The following MYO5B variants were observed in gnomAD, a reference collection of about 807,000 sequenced individuals.
MYO5B encodes myosin VB, also known as unconventional myosin-Vb.
In MYO5B, 143 loss-of-function variants were observed where a neutral mutation model predicts 229.3. The ratio of observed to expected loss-of-function variants is 0.62; its 90% CI spans 0.54 to 0.72. The LOEUF (loss-of-function observed/expected upper bound fraction) is 0.72. Ranked by LOEUF, MYO5B falls within the 30% of genes least tolerant of loss-of-function variation. The probability of loss-of-function intolerance (pLI) is 0.00; values close to 1 mark genes in which losing one functional copy is unlikely to be tolerated. For missense variants in MYO5B, 2,321 were observed against 2,331.0 expected (o/e 1.00, Z 0.09); for synonymous variants, 918 against 885.2 (o/e 1.04, Z -0.66).
At chr18:50,138,230 T>A (rs1418142099) in intron 1 of MYO5B, among the ~76,000 whole-genome samples, 1 of 152,232 alleles carries the variant, frequency 6.6e-6, no homozygotes, top group Non-Finnish European at 1.5e-5. Flanking sequence ...TGGGTATTTC[T>A]AAATGTAGTT....
At position 49,824,753 on chromosome 18, in the gene MYO5B, G is replaced by A. The variant is rs1250533232; in HGVS notation, c.*1718C>T. ...GGATCCATGGGTAAGTGTCATGGACGTCAGTGATTATGTAACTGTAACTGA... is the reference window on the plus strand; with the variant it reads ...GGATCCATGGGTAAGTGTCATGGACATCAGTGATTATGTAACTGTAACTGA... On this transcript the variant is annotated 3_prime_UTR_variant, in exon 40 of 40. Transcript: ENST00000285039. 7.2e-5 allele frequency: 11 copies of A among 152,212 alleles called. No homozygotes were observed. The highest frequency in any genetic ancestry group is 2.0e-4 in the Admixed American group (3 of 15,276). 9.4% of individuals were successfully genotyped at this position (152,212 alleles called of 1,614,324 possible).
intron 29 of MYO5B, among the ~76,000 whole-genome samples, chr18:49,861,087 C>T (rs1182523025): frequency 6.6e-6 from 1 of 152,264 alleles, no homozygotes; most frequent in Non-Finnish European, 1.5e-5. Flanking sequence ...GCAGCACACA[C>T]TGCGAAGCTG....
intron 1 of MYO5B, among the ~76,000 whole-genome samples, chr18:50,117,556 C>T (rs2031985020): frequency 6.6e-6 from 1 of 152,024 alleles, no homozygotes; most frequent in African/African-American, 2.4e-5. Context: ...AGAGGAAAAA[C>T]TTGTAACTTA....
chr18:49,964,413 A>T lies in MYO5B; in HGVS notation c.1323-1383T>A, dbSNP rs569765655. 2.0e-5 allele frequency among the ~76,000 whole-genome samples: 3 copies of T among 152,084 alleles called. No individual in the cohort carries two copies. In the East Asian group the frequency reaches 5.8e-4, roughly 29 times the overall value. On this transcript the variant is annotated intron_variant, in intron 10 of 39. Transcript: ENST00000285039. ...ATGGGTGATGCATTTTTGATAGAGA[A>T]TTTTTATATCGAGATGTTCTGTGAA...
At chr18:49,962,073 C>T (rs940104881) in intron 12 of MYO5B, among the ~76,000 whole-genome samples, 193 bp downstream of exon 12, 3 of 152,202 alleles carry the variant, frequency 2.0e-5, no homozygotes, top group Admixed American at 6.5e-5. Context: ...GCAACACCTG[C>T]CAGTCACTTT....
chr18:50,089,634 G>C (rs928223223), intron 1 of MYO5B, among the ~76,000 whole-genome samples: 2 of 151,722 alleles, frequency 1.3e-5, no homozygotes, highest in African/African-American at 4.8e-5. Flanking sequence ...CTGTGTCCCA[G>C]TGTCGTAGGA....
chr18:49,988,639 C>G (rs932082983), intron 7 of MYO5B, among the ~76,000 whole-genome samples: 1 of 152,132 alleles, frequency 6.6e-6, no homozygotes, highest in African/African-American at 2.4e-5. Flanking sequence ...TTCTATAAAA[C>G]TGACCTGAGG....
intron 4 of MYO5B, among the ~76,000 whole-genome samples, chr18:50,006,608 C>T (rs1194082848): frequency 1.3e-5 from 2 of 152,232 alleles, no homozygotes; most frequent in African/African-American, 4.8e-5. Context: ...CCTTCTGTGA[C>T]ACCTGAGAGG....
chr18:50,101,299 G>A (rs2031650024), intron 1 of MYO5B, among the ~76,000 whole-genome samples: 1 of 152,134 alleles, frequency 6.6e-6, no homozygotes, highest in Non-Finnish European at 1.5e-5. Flanking sequence ...CTACATGGAA[G>A]GGAAAAAGAA....
intron 15 of MYO5B, among the ~76,000 whole-genome samples, chr18:49,936,752 T>C (rs1182947796): frequency 2.0e-5 from 3 of 152,208 alleles, no homozygotes; most frequent in Non-Finnish European, 4.4e-5. Context: ...TAATTTGTTA[T>C]ACTAAATGTC....
At chr18:49,894,049 C>T (rs1306809360) in intron 22 of MYO5B, among the ~76,000 whole-genome samples, 1 of 152,200 alleles carries the variant, frequency 6.6e-6, no homozygotes, top group African/African-American at 2.4e-5. Context: ...GCTTTCTGCA[C>T]ATGCTTGGGA....
chr18:49,853,660 G>A lies in MYO5B; in HGVS notation c.4023-13C>T, dbSNP rs2024228427. On this transcript the variant is annotated splice_polypyrimidine_tract_variant and intron_variant, in intron 30 of 39. Transcript: ENST00000285039. ...AGCCTCCAGCAGCCTGTGCCAGGGA[G>A]AGGACAGGTGAGCACGTGGCCCAGG... The A allele has an allele frequency of 6.2e-7, 1 of 1,609,378 alleles. No individual in the cohort carries two copies. The highest frequency in any genetic ancestry group is 1.3e-5 in the African/African-American group (1 of 74,902).
chr18:50,067,123 C>T (rs1411740936), intron 1 of MYO5B, among the ~76,000 whole-genome samples: 3 of 152,104 alleles, frequency 2.0e-5, no homozygotes, highest in Admixed American at 1.3e-4. Context: ...GTGAAATGTA[C>T]CCTTTATCCA....
At chr18:50,189,789 C>T (rs1000630387) in intron 1 of MYO5B, among the ~76,000 whole-genome samples, 2 of 152,150 alleles carry the variant, frequency 1.3e-5, no homozygotes, top group African/African-American at 4.8e-5. Flanking sequence ...GCTCTTGCTG[C>T]CTTCAGACTG....
intron 1 of MYO5B, among the ~76,000 whole-genome samples, chr18:50,122,317 C>G (rs929457023): frequency 3.3e-5 from 5 of 151,366 alleles, no homozygotes; most frequent in Non-Finnish European, 7.4e-5. Context: ...AAAACAGAAC[C>G]CTGGCCAGGC....
intron 2 of MYO5B, among the ~76,000 whole-genome samples, chr18:50,044,494 G>A (rs543373932): frequency 6.6e-6 from 1 of 152,172 alleles, no homozygotes; most frequent in African/African-American, 2.4e-5. Context: ...CACTCAGAGT[G>A]GACCTTGCCT....
chr18:50,139,381 T>C (rs1451770226), intron 1 of MYO5B, among the ~76,000 whole-genome samples: 1 of 152,232 alleles, frequency 6.6e-6, no homozygotes, highest in Non-Finnish European at 1.5e-5. Flanking sequence ...TCCTCAAACA[T>C]GGCACATGAA....
intron 21 of MYO5B, 29 bp from the exon 22 acceptor site, chr18:49,895,203 A>G (rs1314808262): frequency 6.4e-7 from 1 of 1,572,496 alleles, no homozygotes; most frequent in Non-Finnish European, 8.7e-7. Flanking sequence ...AACAAGGAGA[A>G]GGGAGAAGAA....
intron 14 of MYO5B, among the ~76,000 whole-genome samples, chr18:49,948,864 C>T (rs1297845995): frequency 6.6e-6 from 1 of 152,176 alleles, no homozygotes; most frequent in Non-Finnish European, 1.5e-5. Context: ...GACCAAGGTT[C>T]AGTCTGGTGA....
Sources: allele counts gnomAD v4.1 joint callset (sites outside exome capture counted in the v4.1 genomes callset), GRCh38; gene constraint gnomAD v4.1.1; transcripts MANE v1.5; gene names NCBI Gene and HGNC (gene_info 2026-07-23, HGNC 2026-07-21).